ELOVL7: variants seen among roughly 807,000 people sequenced by gnomAD.
ELOVL7 encodes the protein very long chain fatty acid elongase 7.
In ELOVL7, 27 loss-of-function variants were observed where a neutral mutation model predicts 35.7. That is an observed-to-expected ratio of 0.76 (90% CI 0.56 to 1.04). ELOVL7 has a LOEUF of 1.04. Ranked by LOEUF, ELOVL7 falls within the 50% of genes least tolerant of loss-of-function variation. The pLI is 0.00. For missense variants in ELOVL7, 327 were observed against 340.8 expected, an observed-to-expected ratio of 0.96 and a Z score of 0.32; for synonymous variants, 113 against 114.6, an observed-to-expected ratio of 0.99 and a Z score of 0.09.
chr5:60,769,225 G>A (rs1742428849), intron 4 of ELOVL7, among the ~76,000 whole-genome samples: 1 of 152,156 alleles, frequency 6.6e-6, no homozygotes, highest in Non-Finnish European at 1.5e-5. Flanking sequence ...CATAGAAATG[G>A]CTAATTCTGT....
intron 3 of ELOVL7, among the ~76,000 whole-genome samples, chr5:60,775,797 C>T (rs1395972238): frequency 1.3e-5 from 2 of 152,078 alleles, no homozygotes; most frequent in African/African-American, 4.8e-5. Context: ...TGAAACTGGA[C>T]CACTACCTAC....
At chr5:60,786,631 G>T (rs1425151765) in intron 3 of ELOVL7, among the ~76,000 whole-genome samples, 1 of 152,032 alleles carries the variant, frequency 6.6e-6, no homozygotes, top group Admixed American at 6.6e-5. Flanking sequence ...GGTTCCTGGG[G>T]GCTGCAACTC....
intron 1 of ELOVL7, among the ~76,000 whole-genome samples, chr5:60,826,792 C>G (rs1746196476): frequency 1.3e-5 from 2 of 152,120 alleles, no homozygotes; most frequent in African/African-American, 4.8e-5. Context: ...GGGTGGAGCA[C>G]AGATGTACTC....
chr5:60,794,346 G>A (rs773275317), intron 2 of ELOVL7, among the ~76,000 whole-genome samples: 5 of 152,242 alleles, frequency 3.3e-5, no homozygotes, highest in Non-Finnish European at 5.9e-5. Flanking sequence ...AGCTGCCTAC[G>A]TTAGCATGAT....
chr5:60,780,531 C>T lies in ELOVL7; in HGVS notation c.64+6803G>A, dbSNP rs115007883. Reference sequence around the variant, plus strand: ...ATTTTCAGGTATCCTTATAGTAGCGCCCCATTCTGAGATACCAATTTACTG... The same window carrying T: ...ATTTTCAGGTATCCTTATAGTAGCGTCCCATTCTGAGATACCAATTTACTG... On this transcript the variant is annotated intron_variant, in intron 3 of 8. Coordinates refer to ENST00000508821, the MANE Select transcript of ELOVL7 (RefSeq NM_024930.3). 5.6e-3 allele frequency among the ~76,000 whole-genome samples: 858 copies of T among 152,260 alleles called. 10 individuals carry two copies. The highest frequency in any genetic ancestry group is 0.017 in the Middle Eastern group (5 of 294).
intron 1 of ELOVL7, among the ~76,000 whole-genome samples, chr5:60,843,772 A>C (rs1338830534): frequency 6.6e-6 from 1 of 151,878 alleles, no homozygotes; most frequent in Non-Finnish European, 1.5e-5. Context: ...CCGCAGGGCC[A>C]GCGCCGCGCG....
chr5:60,828,509 G>C (rs996923026), intron 1 of ELOVL7, among the ~76,000 whole-genome samples: 1 of 151,938 alleles, frequency 6.6e-6, no homozygotes, highest in Non-Finnish European at 1.5e-5. Flanking sequence ...TATATTAACT[G>C]TATCATAGTA....
At position 60,753,819 on chromosome 5, in the gene ELOVL7, C is replaced by T. The variant is rs1220709191; in HGVS notation, c.*805G>A. 4 of 152,132 alleles carry T rather than the reference C, an allele frequency of 2.6e-5. No homozygotes were observed. The highest frequency in any genetic ancestry group is 4.4e-5 in the Non-Finnish European group (3 of 68,016). 9.4% of individuals were successfully genotyped at this position (152,132 alleles called of 1,614,324 possible). On this transcript the variant is annotated 3_prime_UTR_variant, in exon 9 of 9. Coordinates refer to ENST00000508821, the MANE Select transcript of ELOVL7 (RefSeq NM_024930.3). The stretch of plus-strand genomic sequence containing the variant: ...AACTACACAATACTTTTTTCATTGA[C>T]AAATTCACCTCTTTCCAGAGATATA...
At chr5:60,777,434 T>C (rs1404484206) in intron 3 of ELOVL7, among the ~76,000 whole-genome samples, 2 of 151,966 alleles carry the variant, frequency 1.3e-5, no homozygotes, top group Non-Finnish European at 1.5e-5. Flanking sequence ...TTCACTTAGA[T>C]TGGGAACACA....
At chr5:60,813,904 TACGAA>T (rs1745377223) in intron 1 of ELOVL7, among the ~76,000 whole-genome samples, 1 of 152,030 alleles carries the variant, frequency 6.6e-6, no homozygotes, top group Non-Finnish European at 1.5e-5. Flanking sequence ...CAAAACAAAA[TACGAA>T]GGTCTCCCTT....
At chr5:60,755,169 G>A (rs1475439391) in intron 8 of ELOVL7, among the ~76,000 whole-genome samples, 1 of 152,180 alleles carries the variant, frequency 6.6e-6, no homozygotes, top group Non-Finnish European at 1.5e-5. Context: ...CCTTGACTAT[G>A]ATGAAATGAC....
intron 2 of ELOVL7, among the ~76,000 whole-genome samples, chr5:60,795,709 A>T (rs950178210): frequency 6.6e-6 from 1 of 152,172 alleles, no homozygotes; most frequent in Non-Finnish European, 1.5e-5. Flanking sequence ...TGATCCAGTG[A>T]GGCGCCCATT....
chr5:60,825,969 A>G (rs1746145528), intron 1 of ELOVL7, among the ~76,000 whole-genome samples: 1 of 152,262 alleles, frequency 6.6e-6, no homozygotes, highest in Non-Finnish European at 1.5e-5. Context: ...TAGGGCATGG[A>G]GCCCCATCTG....
At chr5:60,837,315 T>C (rs976809749) in intron 1 of ELOVL7, among the ~76,000 whole-genome samples, 1 of 24,534 alleles carries the variant, frequency 4.1e-5, no homozygotes, top group African/African-American at 1.7e-4. Context: ...GGCGGGGGGG[T>C]GGGGGGGGAG....
intron 1 of ELOVL7, among the ~76,000 whole-genome samples, chr5:60,806,727 C>T (rs1351383872): frequency 3.3e-5 from 5 of 152,074 alleles, no homozygotes; most frequent in Admixed American, 6.5e-5. Flanking sequence ...CGGTCTCTCT[C>T]CTTGGCTTGT....
chr5:60,788,993 C>T (rs1413346458), intron 2 of ELOVL7, among the ~76,000 whole-genome samples: 3 of 151,656 alleles, frequency 2.0e-5, no homozygotes, highest in Non-Finnish European at 4.4e-5. Context: ...GACAGCCATC[C>T]GAGAAAAAAA....
chr5:60,785,410 ATATT>A (rs1471891555), intron 3 of ELOVL7, among the ~76,000 whole-genome samples: 1 of 152,210 alleles, frequency 6.6e-6, no homozygotes, highest in African/African-American at 2.4e-5. Flanking sequence ...GACTACATAG[ATATT>A]TATTATTATC....
intron 2 of ELOVL7, among the ~76,000 whole-genome samples, chr5:60,789,850 G>A (rs918460831): frequency 6.6e-5 from 10 of 152,254 alleles, no homozygotes; most frequent in African/African-American, 2.4e-4. Flanking sequence ...TTTGAAAAAA[G>A]CAAAGAGCTG....
intron 7 of ELOVL7, among the ~76,000 whole-genome samples, chr5:60,759,892 G>C (rs982612834): frequency 2.0e-5 from 3 of 151,810 alleles, no homozygotes; most frequent in African/African-American, 7.3e-5. Context: ...TGAGGTGTTT[G>C]GTTTTTTGTT....
Sources: gnomAD v4.1 joint callset for allele counts (sites outside exome capture counted in the v4.1 genomes callset) on GRCh38, gnomAD v4.1.1 for gene constraint, MANE v1.5 for transcripts, NCBI Gene and HGNC (gene_info 2026-07-23, HGNC 2026-07-21) for gene names.